Variants in CHAF1B observed in about 807,000 individuals in gnomAD.
CHAF1B encodes the protein CAF-1 subunit B.
Under a neutral mutation model 60.7 loss-of-function variants are expected in CHAF1B, and 10 were observed. The ratio of observed to expected loss-of-function variants is 0.16; its 90% CI spans 0.10 to 0.28. The LOEUF (loss-of-function observed/expected upper bound fraction) is 0.28, where lower values mean the gene tolerates loss of function less well. Ranked by LOEUF, CHAF1B falls within the 10% of genes least tolerant of loss-of-function variation. The pLI, the probability that CHAF1B is intolerant of heterozygous loss-of-function variation, is 1.00. For missense variants in CHAF1B, 558 were observed against 708.4 expected (o/e 0.79, Z 2.41); for synonymous variants, 261 against 266.1 (o/e 0.98, Z 0.19).
In CHAF1B at chr21:36,416,574, G is replaced by A. The variant is rs551615407; in HGVS notation, c.*208G>A. The A allele has an allele frequency of 3.3e-5, 15 of 451,322 alleles. No homozygotes were observed. The South Asian group carries it at 5.5e-4, about 17-fold the overall frequency. 28.0% of individuals were successfully genotyped at this position (451,322 alleles called of 1,614,324 possible). A position where few individuals can be genotyped will look rare whatever the true frequency, so the allele number is the denominator to read the frequency against. Reference sequence around the variant, plus strand: ...TCCATTTTTAACTTGGGACATGAACGTTTTAACGTAGTAAATCCTCTTTTT... The same window carrying A: ...TCCATTTTTAACTTGGGACATGAACATTTTAACGTAGTAAATCCTCTTTTT... On this transcript the variant is annotated 3_prime_UTR_variant, in exon 14 of 14. Transcript: ENST00000314103.
At chr21:36,386,717 C>CTT (rs976266144) in intron 2 of CHAF1B, among the ~76,000 whole-genome samples, 64 of 144,106 alleles carry the variant, frequency 4.4e-4, no homozygotes, top group African/African-American at 1.5e-3. Flanking sequence ...GAGCTGCTTT[C>CTT]TTTTTTTTTT....
chr21:36,402,718 A>G, intron 7 of CHAF1B, 40 bp from the exon 8 acceptor site: 1 of 1,547,920 alleles, frequency 6.5e-7, no homozygotes. Context: ...TGTAGAAAAC[A>G]AACAAAAAAA....
At chr21:36,393,837 T>G (rs2835341) in intron 4 of CHAF1B, among the ~76,000 whole-genome samples, 54,542 of 151,982 alleles carry the variant, frequency 0.36, 12,301 homozygotes, top group African/African-American at 0.64. Context: ...ATTTTAATGC[T>G]TAGTTCTGGA....
intron 10 of CHAF1B, 85 bp downstream of exon 10, chr21:36,409,550 T>C (rs1013543046): frequency 2.4e-6 from 2 of 822,300 alleles, no homozygotes; most frequent in Non-Finnish European, 2.0e-6. Flanking sequence ...TTCTGTCTTA[T>C]GGGGAAAGGT....
intron 3 of CHAF1B, among the ~76,000 whole-genome samples, chr21:36,391,118 T>C (rs1408335934): frequency 6.6e-6 from 1 of 152,330 alleles, no homozygotes; most frequent in African/African-American, 2.4e-5. Context: ...GATTTATTAA[T>C]GTAGCCAGTC....
chr21:36,413,374 C>A (rs75089106), intron 12 of CHAF1B, 59 bp downstream of exon 12: 2 of 1,458,492 alleles, frequency 1.4e-6, no homozygotes, highest in Middle Eastern at 1.8e-4. Context: ...GCAGACAGAA[C>A]GCTCCCACCC....
chr21:36,402,778 T>C lies in CHAF1B; in HGVS notation c.684T>C (p.Phe228=). 1 of 1,613,806 alleles carries C rather than the reference T, an allele frequency of 6.2e-7. No individual in the cohort carries two copies. Among genetic ancestry groups the C allele is most frequent in the Non-Finnish European group, 8.5e-7 (1 of 1,179,832 alleles). ...AEGEARSYRM[F]HDDSMKSFFR... is the part of the protein sequence containing the mutation. ...GACAGGCAAGAAGCTACCGGATGTTTCACGACGACAGCATGAAGTCTTTCT... is the reference window on the plus strand; with the variant it reads ...GACAGGCAAGAAGCTACCGGATGTTCCACGACGACAGCATGAAGTCTTTCT... Residue 228 remains phenylalanine, a synonymous_variant, in exon 8 of 14, where the codon TTT becomes TTC. Coordinates refer to ENST00000314103, the MANE Select transcript of CHAF1B (RefSeq NM_005441.3).
chr21:36,409,200 C>G (rs2086259001), intron 9 of CHAF1B, among the ~76,000 whole-genome samples, 174 bp from the exon 10 acceptor site: 4 of 139,054 alleles, frequency 2.9e-5, no homozygotes, highest in Non-Finnish European at 6.1e-5. Context: ...GGGGTTTCGT[C>G]ATGTTGGCCA....
rs112174707 is a variant in CHAF1B at position 36,414,869 on chromosome 21, C to T, written c.1494-426C>T. ...CTCAAGTGATCTGCCCGCCTCAGCC[C>T]GCCAAAGTGCTGGGATTACAGGTGC... On this transcript the variant is annotated intron_variant, in intron 12 of 13. Transcript: ENST00000314103. 9.1e-3 allele frequency among the ~76,000 whole-genome samples: 1,387 copies of T among 152,184 alleles called. 16 individuals carry two copies. The highest frequency in any genetic ancestry group is 0.032 in the African/African-American group (1,337 of 41,516).
chr21:36,402,544 C>T (rs1405330016), intron 7 of CHAF1B, among the ~76,000 whole-genome samples: 1 of 152,028 alleles, frequency 6.6e-6, no homozygotes, highest in Non-Finnish European at 1.5e-5. Flanking sequence ...GAATGTTTAC[C>T]CTTGCAGTGT....
chr21:36,407,959 C>T (rs754738123), intron 8 of CHAF1B, among the ~76,000 whole-genome samples: 8 of 150,614 alleles, frequency 5.3e-5, no homozygotes, highest in Non-Finnish European at 1.0e-4. Context: ...GCCTGGGTGA[C>T]AGAGCAAGAC....
chr21:36,394,326 C>T (rs562038519), intron 4 of CHAF1B, among the ~76,000 whole-genome samples: 12 of 152,216 alleles, frequency 7.9e-5, no homozygotes, highest in Admixed American at 2.6e-4. Flanking sequence ...CTGCCTGCCT[C>T]GGCCTCCCAA....
At chr21:36,390,063 G>T (rs1037276529) in intron 3 of CHAF1B, among the ~76,000 whole-genome samples, 1 of 152,118 alleles carries the variant, frequency 6.6e-6, no homozygotes. Context: ...GCTGGGTGCG[G>T]TGGCTCACGC....
chr21:36,415,575 G>T (rs191102687), intron 13 of CHAF1B, among the ~76,000 whole-genome samples, 186 bp downstream of exon 13: 51 of 152,234 alleles, frequency 3.4e-4, no homozygotes, highest in African/African-American at 1.1e-3. Context: ...TGGCCAGTGA[G>T]AGCATCCTGG....
chr21:36,410,745 T>A (rs903795532), intron 10 of CHAF1B, among the ~76,000 whole-genome samples: 2 of 151,598 alleles, frequency 1.3e-5, no homozygotes, highest in Non-Finnish European at 1.5e-5. Flanking sequence ...GTTGCAGCCT[T>A]CGTCTCCCAG....
rs552063688 is a variant in CHAF1B at position 36,391,368 on chromosome 21, AC to A, written c.260-182del. Among the ~76,000 whole-genome samples the A allele has an allele frequency of 5.6e-3, 845 of 151,748 alleles. 5 individuals are homozygous for A. Among genetic ancestry groups the A allele is most frequent in the Middle Eastern group, 0.017 (5 of 294 alleles). On this transcript the variant is annotated intron_variant, in intron 3 of 13. Coordinates refer to ENST00000314103, the MANE Select transcript of CHAF1B (RefSeq NM_005441.3). ...TAATTTTTTTGTATTTTTAGTAGAG[AC>A]AGTTAGCCAGGATGGTCCTGGGAGG...
Position 36,412,946 on chromosome 21 carries a change from T to C in CHAF1B, c.1124T>C (p.Phe375Ser). The change falls in exon 12 of 14, where the codon TTT (phenylalanine) becomes TCT (serine). Residue 375 changes from phenylalanine to serine, a missense_variant. Physicochemically the swap from Phe to Ser is radical, Grantham distance 155 (BLOSUM62 -2). Around this residue, in one of 2 missense-constraint regions of CHAF1B, gnomAD observed 325 missense variants for 493.5 expected, o/e 0.66. Coordinates refer to ENST00000314103, the MANE Select transcript of CHAF1B (RefSeq NM_005441.3). ...STDGYCSFVT[F>S]EKDELGIPLK... ...GACGGTTACTGCTCATTTGTGACAT[T>C]TGAGAAAGATGAACTTGGAATTCCT... The C allele has an allele frequency of 6.2e-7, 1 of 1,614,178 alleles. No individual in the cohort carries two copies. Among genetic ancestry groups the C allele is most frequent in the Non-Finnish European group, 8.5e-7 (1 of 1,180,042 alleles).
chr21:36,411,681 G>A, intron 11 of CHAF1B, 77 bp downstream of exon 11: 1 of 1,524,550 alleles, frequency 6.6e-7, no homozygotes, highest in South Asian at 1.2e-5. Flanking sequence ...GGGTTAGGGA[G>A]CATTTCATTA....
At chr21:36,408,908 G>T in intron 9 of CHAF1B, 78 bp downstream of exon 9, 1 of 994,652 alleles carries the variant, frequency 1.0e-6, no homozygotes, top group South Asian at 1.3e-5. Flanking sequence ...AGGCTGGAGT[G>T]CAATGGTGCG....
Sources: allele counts gnomAD v4.1 joint callset (sites outside exome capture counted in the v4.1 genomes callset), GRCh38; gene constraint gnomAD v4.1.1; regional missense constraint gnomAD v4.1.1; transcripts MANE v1.5; gene names NCBI Gene and HGNC (gene_info 2026-07-23, HGNC 2026-07-21).